Variants in EXD3 observed in about 807,000 individuals in gnomAD.
EXD3 encodes the protein exonuclease mut-7 homolog.
Under a neutral mutation model 98.0 loss-of-function variants are expected in EXD3, and 92 were observed. That is an observed-to-expected ratio of 0.94 (90% CI 0.79 to 1.12). EXD3 has a LOEUF of 1.12. Ranked by LOEUF, EXD3 falls within the 50% of genes most tolerant of loss-of-function variation. The pLI, the probability that EXD3 is intolerant of heterozygous loss-of-function variation, is 0.00. For synonymous variants in EXD3, 569 were observed against 526.0 expected, an observed-to-expected ratio of 1.08 and a Z score of -1.12; for missense variants, 1,222 against 1,191.6, an observed-to-expected ratio of 1.03 and a Z score of -0.38.
intron 1 of EXD3, among the ~76,000 whole-genome samples, chr9:137,417,742 C>T (rs1838304917): frequency 6.6e-6 from 1 of 152,156 alleles, no homozygotes; most frequent in Non-Finnish European, 1.5e-5. Flanking sequence ...CACGTGTGCG[C>T]CCCGGGCACA....
intron 11 of EXD3, 22 bp downstream of exon 11, chr9:137,352,598 G>T: frequency 6.6e-7 from 1 of 1,519,908 alleles, no homozygotes. Flanking sequence ...CCCCTGGCTG[G>T]GGTCACCCTG....
chr9:137,369,964 C>T (rs999707517), intron 5 of EXD3, among the ~76,000 whole-genome samples: 1 of 152,222 alleles, frequency 6.6e-6, no homozygotes, highest in Non-Finnish European at 1.5e-5. Flanking sequence ...GTCCTGGGGC[C>T]CCCAGCATCT....
At chr9:137,382,188 G>GTGGAGGAGGTGAGGGCGCA (rs71387831) in intron 3 of EXD3, among the ~76,000 whole-genome samples, 49 of 151,636 alleles carry the variant, frequency 3.2e-4, no homozygotes, top group African/African-American at 1.0e-3. Context: ...GTGAGGGCGC[G>GTGGAGGAGGTGAGGGCGCA]CGGAGGAGGT....
At position 137,327,945 on chromosome 9, in the gene EXD3, T is replaced by C. The variant is rs970730785; in HGVS notation, c.1999-3802A>G. On this transcript the variant is annotated intron_variant, in intron 17 of 21. Transcript: ENST00000340951. ...ACTCCCATATGCTGAGTAAAACAACTAATATACTCCTATATGATGAGTAAA... is the reference window on the plus strand; with the variant it reads ...ACTCCCATATGCTGAGTAAAACAACCAATATACTCCTATATGATGAGTAAA... 5.8e-5 allele frequency among the ~76,000 whole-genome samples: 8 copies of C among 138,768 alleles called. No homozygotes were observed. In the Admixed American group the frequency reaches 5.8e-4, roughly 10 times the overall value. 91.0% of individuals were successfully genotyped at this position (138,768 alleles called of 152,430 possible). A position where few individuals can be genotyped will look rare whatever the true frequency, so the allele number is the denominator to read the frequency against.
At position 137,329,094 on chromosome 9, in the gene EXD3, ACTACACGGGG is replaced by A. The variant is rs1296671407; in HGVS notation, c.1999-4961_1999-4952del. Among the ~76,000 whole-genome samples, 26 of 13,352 alleles carry A rather than the reference ACTACACGGGG, an allele frequency of 1.9e-3. 3 individuals carry two copies. Among genetic ancestry groups the A allele is most frequent in the Non-Finnish European group, 2.9e-3 (23 of 7,930 alleles). The allele number at this position is 13,352 out of a possible 152,430, so 8.8% of individuals were successfully genotyped here. A position where few individuals can be genotyped will look rare whatever the true frequency, so the allele number is the denominator to read the frequency against. On this transcript the variant is annotated intron_variant, in intron 17 of 21. Coordinates refer to ENST00000340951, the MANE Select transcript of EXD3 (RefSeq NM_017820.5). Reference sequence around the variant, plus strand: ...ACGGGACTACACGGGGCTACACGGGACTACACGGGGCTACACGGGGCTACACGGGGCTACA... The same window carrying A: ...ACGGGACTACACGGGGCTACACGGGACTACACGGGGCTACACGGGGCTACA...
Position 137,408,546 on chromosome 9 carries a change from C to CAAAAAAAAA in EXD3, c.-47-13151_-47-13143dup, listed in dbSNP as rs570243090. On this transcript the variant is annotated intron_variant, in intron 1 of 21. Coordinates refer to ENST00000340951, the MANE Select transcript of EXD3 (RefSeq NM_017820.5). ...TGGGCGATAGAGTGAGACTCTGCCT[C>CAAAAAAAAA]AAAAAAAAAAAAAAAAAAAGAGGGC... is the stretch of plus-strand genomic sequence containing the variant. Among the ~76,000 whole-genome samples, 29 of 44,478 alleles carry CAAAAAAAAA rather than the reference C, an allele frequency of 6.5e-4. 1 individual carries two copies. Among genetic ancestry groups the CAAAAAAAAA allele is most frequent in the East Asian group, 1.5e-3 (3 of 1,982 alleles). 29.2% of individuals were successfully genotyped at this position (44,478 alleles called of 152,430 possible). A position where few individuals can be genotyped will look rare whatever the true frequency, so the allele number is the denominator to read the frequency against.
intron 2 of EXD3, among the ~76,000 whole-genome samples, chr9:137,391,185 G>A (rs2131747735): frequency 6.6e-6 from 1 of 152,382 alleles, no homozygotes; most frequent in Admixed American, 6.5e-5. Context: ...GCCTGAGAGG[G>A]AGGCGTCTCC....
chr9:137,352,672 G>A lies in EXD3; in HGVS notation c.985C>T (p.Arg329Trp), dbSNP rs200792527. The change falls in exon 11 of 22, where the codon CGG becomes TGG. Residue 329 changes from arginine to tryptophan, a missense_variant. Physicochemically the swap from Arg to Trp is moderately radical, Grantham distance 101. Transcript: ENST00000340951. ...CAMELLLPEE[R>W]LPAAVAVELR... ...TCCACAGCCACCGCAGCCGGCAGCC[G>A]CTCCTCGGGCAGCAAGAGTTCCATG... The A allele has an allele frequency of 2.1e-4, 325 of 1,552,446 alleles. No individual in the cohort carries two copies. In the African/African-American group the frequency reaches 2.4e-3, roughly 11 times the overall value.
chr9:137,328,626 A>G (rs147810184), intron 17 of EXD3, among the ~76,000 whole-genome samples: 3,175 of 89,602 alleles, frequency 0.035, 144 homozygotes, highest in African/African-American at 0.09. Flanking sequence ...ACGGGACTAC[A>G]CGGGACTACA....
At position 137,387,163 on chromosome 9, in the gene EXD3, C is replaced by G. The variant is rs765125947; in HGVS notation, c.56-3786G>C. ...TTCCCTGCCTGGCCCTCGGCCCCCG[C>G]TCCCTGCCTGGCCCCCGGCCCCTGC... On this transcript the variant is annotated intron_variant, in intron 2 of 21. Transcript: ENST00000340951. Among the ~76,000 whole-genome samples the G allele has an allele frequency of 3.9e-5, 3 of 77,636 alleles. 1 individual carries two copies. The highest frequency in any genetic ancestry group is 6.9e-5 in the Non-Finnish European group (3 of 43,782). The allele number at this position is 77,636 out of a possible 152,430, so 50.9% of individuals were successfully genotyped here.
intron 1 of EXD3, among the ~76,000 whole-genome samples, chr9:137,417,653 A>C (rs979665422): frequency 1.1e-4 from 16 of 152,142 alleles, no homozygotes; most frequent in African/African-American, 3.1e-4. Context: ...GCGGAGGAGG[A>C]GGCGCGCGGC....
intron 10 of EXD3, chr9:137,354,128 T>C (rs976397883): frequency 2.1e-5 from 29 of 1,403,230 alleles, no homozygotes; most frequent in Non-Finnish European, 2.6e-5. Flanking sequence ...CCAGTCAGGC[T>C]CTACTGATGC....
chr9:137,402,229 C>T (rs1033389018), intron 1 of EXD3, among the ~76,000 whole-genome samples: 10 of 152,140 alleles, frequency 6.6e-5, no homozygotes, highest in South Asian at 2.1e-4. Flanking sequence ...TTGGTCAGGC[C>T]GGTCTTGAAC....
At chr9:137,392,238 A>T (rs1034644476) in intron 2 of EXD3, 2 of 152,552 alleles carry the variant, frequency 1.3e-5, no homozygotes, top group South Asian at 2.1e-4. Flanking sequence ...AGAGAGGAAC[A>T]GGAGCTCAGC....
rs1837145566 is a variant in EXD3 at position 137,395,185 on chromosome 9, G to A, written c.55+118C>T. The A allele has an allele frequency of 3.2e-6, 3 of 938,450 alleles. No homozygotes were observed. Among genetic ancestry groups the A allele is most frequent in the Non-Finnish European group, 3.4e-6 (2 of 581,176 alleles). 58.1% of individuals were successfully genotyped at this position (938,450 alleles called of 1,614,324 possible). Reference sequence around the variant, plus strand: ...CACTGTAGAGAGGCCCGCAGCTAGGGGCCAGCAGCCTGGCCCTCGTCACTG... The same window carrying A: ...CACTGTAGAGAGGCCCGCAGCTAGGAGCCAGCAGCCTGGCCCTCGTCACTG... On this transcript the variant is annotated intron_variant, in intron 2 of 21. Transcript: ENST00000340951. This position sits in a 1 kb window ranked among gnomAD's most constrained non-coding sequence, Gnocchi z 6.5.
chr9:137,414,497 G>A (rs1322772837), intron 1 of EXD3, among the ~76,000 whole-genome samples: 2 of 152,124 alleles, frequency 1.3e-5, no homozygotes, highest in Non-Finnish European at 2.9e-5. Context: ...GCTGAGTCTC[G>A]GTGTTTCTAT....
Position 137,352,646 on chromosome 9 carries a change from T to C in EXD3, c.1011A>G (p.Glu337=). 1.9e-6 allele frequency: 3 copies of C among 1,547,390 alleles called. No homozygotes were observed. Among genetic ancestry groups the C allele is most frequent in the South Asian group, 2.4e-5 (2 of 83,846 alleles). ...TCCCCTGGAGCCTGAACCGGCGGAG[T>C]TCCACAGCCACCGCAGCCGGCAGCC... ...EERLPAAVAV[E]LRRFRLQGRA... is the part of the protein sequence containing the mutation. Residue 337 remains glutamate (E), a synonymous_variant, in exon 11 of 22, where the codon GAA becomes GAG. Transcript: ENST00000340951.
chr9:137,386,802 CT>C (rs1836615703), intron 2 of EXD3, among the ~76,000 whole-genome samples: 1 of 144,664 alleles, frequency 6.9e-6, no homozygotes, highest in Non-Finnish European at 1.5e-5. Context: ...CCCCTGCTCC[CT>C]GCCTGGCCCC....
chr9:137,317,338 G>A (rs981322253), intron 19 of EXD3, among the ~76,000 whole-genome samples: 3 of 152,146 alleles, frequency 2.0e-5, no homozygotes, highest in African/African-American at 7.2e-5. Flanking sequence ...CCTCCTGCGT[G>A]CACCCCTGGC....
Sources: gnomAD v4.1 joint callset for allele counts (sites outside exome capture counted in the v4.1 genomes callset) on GRCh38, gnomAD v4.1.1 for gene constraint, Gnocchi (gnomAD v3.1) non-coding constraint, MANE v1.5 for transcripts, NCBI Gene and HGNC (gene_info 2026-07-23, HGNC 2026-07-21) for gene names.